The following POPDC1 variants were observed in gnomAD, a reference collection of about 807,000 sequenced individuals.
POPDC1 encodes the protein popeye domain cAMP effector 1, also known as popeye domain-containing protein 1.
chr6:105,109,691 G>A, the POPDC1 span, among the ~76,000 whole-genome samples: 2 of 145,452 alleles, frequency 1.4e-5, no homozygotes, highest in Admixed American at 1.4e-4. Flanking sequence ...TTGAGCCTGG[G>A]AGGCGGAAGA....
chr6:105,135,621 AACT>A, the POPDC1 span, among the ~76,000 whole-genome samples: 2 of 152,166 alleles, frequency 1.3e-5, no homozygotes, highest in Admixed American at 6.5e-5. Context: ...ATGACAGGAA[AACT>A]ACTATTATGA....
At chr6:105,102,207 G>A in the POPDC1 span, among the ~76,000 whole-genome samples, 4 of 152,314 alleles carry the variant, frequency 2.6e-5, no homozygotes, top group South Asian at 2.1e-4. Context: ...GAGGGATACC[G>A]GGTGAAACCT....
the POPDC1 span, among the ~76,000 whole-genome samples, chr6:105,127,686 T>C: frequency 2.0e-5 from 3 of 152,092 alleles, no homozygotes; most frequent in Non-Finnish European, 4.4e-5. Flanking sequence ...TCTTCCAACC[T>C]AGGCCTCCCA....
chr6:105,124,446 T>C, the POPDC1 span: 5 of 776,006 alleles, frequency 6.4e-6, no homozygotes, highest in African/African-American at 7.1e-5. Flanking sequence ...AACTTGTTTT[T>C]CCCCCCAATA....
At chr6:105,128,146 G>T in the POPDC1 span, among the ~76,000 whole-genome samples, 1 of 152,208 alleles carries the variant, frequency 6.6e-6, no homozygotes, top group African/African-American at 2.4e-5. Flanking sequence ...CAGGAAAAGT[G>T]GATACAACAA....
chr6:105,101,309 CT>C, the POPDC1 span: 4 of 1,304,560 alleles, frequency 3.1e-6, no homozygotes, highest in Non-Finnish European at 4.1e-6. Context: ...GAAAATAAAA[CT>C]GTAGGAATCT....
At chr6:105,123,868 T>G in the POPDC1 span, among the ~76,000 whole-genome samples, 2 of 152,210 alleles carry the variant, frequency 1.3e-5, no homozygotes, top group African/African-American at 2.4e-5. Flanking sequence ...AAAGCCAGTT[T>G]TCTGGTTTTC....
At chr6:105,111,214 C>T in the POPDC1 span, among the ~76,000 whole-genome samples, 21 of 152,216 alleles carry the variant, frequency 1.4e-4, no homozygotes, top group African/African-American at 4.8e-4. Context: ...GGTTATTTAA[C>T]CCCAATTAAC....
the POPDC1 span, among the ~76,000 whole-genome samples, chr6:105,104,517 G>T: frequency 6.6e-6 from 1 of 152,132 alleles, no homozygotes; most frequent in African/African-American, 2.4e-5. Flanking sequence ...GGATCCTGAG[G>T]ATGAGGGAAA....
the POPDC1 span, among the ~76,000 whole-genome samples, chr6:105,115,340 A>T: frequency 6.6e-6 from 1 of 152,128 alleles, no homozygotes; most frequent in African/African-American, 2.4e-5. Context: ...CGCCCGCCTC[A>T]GCCTCCCAAA....
the POPDC1 span, chr6:105,124,608 C>A: frequency 6.2e-7 from 1 of 1,612,816 alleles, no homozygotes; most frequent in Non-Finnish European, 8.5e-7. Context: ...TATAAAGGCA[C>A]AGGGGTAAAT....
chr6:105,112,089 G>A, the POPDC1 span, among the ~76,000 whole-genome samples: 1 of 152,110 alleles, frequency 6.6e-6, no homozygotes, highest in Non-Finnish European at 1.5e-5. Flanking sequence ...GTATCACCTG[G>A]GCACTGGTTA....
At chr6:105,136,762 G>A in the POPDC1 span, 2 of 152,368 alleles carry the variant, frequency 1.3e-5, no homozygotes, top group African/African-American at 4.8e-5. Flanking sequence ...GGAGCCCCTC[G>A]AGGGCGCGGC....
At chr6:105,136,181 C>G in the POPDC1 span, 1 of 152,248 alleles carries the variant, frequency 6.6e-6, no homozygotes, top group East Asian at 1.9e-4. Context: ...GCACATCTCC[C>G]GAATGGCAAA....
the POPDC1 span, chr6:105,115,777 C>T: frequency 6.2e-7 from 1 of 1,614,134 alleles, no homozygotes; most frequent in South Asian, 1.1e-5. Flanking sequence ...TCATTTCCAA[C>T]ATGGAGATCT....
chr6:105,123,169 C>T, the POPDC1 span, among the ~76,000 whole-genome samples: 1 of 152,170 alleles, frequency 6.6e-6, no homozygotes, highest in African/African-American at 2.4e-5. Flanking sequence ...ATAGCCTCTT[C>T]GTTTCCATTT....
the POPDC1 span, chr6:105,099,687 G>A: frequency 6.6e-6 from 1 of 152,264 alleles, no homozygotes; most frequent in African/African-American, 2.4e-5. Context: ...CCTGGGTGGG[G>A]TGTCCATGGC....
the POPDC1 span, among the ~76,000 whole-genome samples, chr6:105,112,141 AG>A: frequency 6.6e-6 from 1 of 152,184 alleles, no homozygotes; most frequent in Non-Finnish European, 1.5e-5. Context: ...CTGCTACATC[AG>A]GATCTTTAAT....
the POPDC1 span, among the ~76,000 whole-genome samples, chr6:105,127,287 G>A: frequency 6.6e-6 from 1 of 152,160 alleles, no homozygotes; most frequent in Non-Finnish European, 1.5e-5. Context: ...TTGGTGCTAT[G>A]ATCATATCAG....
Sources: gnomAD v4.1 joint callset for allele counts (sites outside exome capture counted in the v4.1 genomes callset) on GRCh38, gnomAD v4.1.1 for gene constraint, MANE v1.5 for transcripts, NCBI Gene and HGNC (gene_info 2026-07-23, HGNC 2026-07-21) for gene names.